Variants in SORCS2 observed in about 807,000 individuals in gnomAD.
SORCS2 encodes sortilin related VPS10 domain containing receptor 2.
In SORCS2, 100 loss-of-function variants were observed where a neutral mutation model predicts 141.6. The observed-to-expected ratio is 0.71, with a 90% CI of 0.60 to 0.83. SORCS2 has a LOEUF of 0.83. SORCS2 is among the 40% of genes least tolerant of loss of function. The pLI, the probability that SORCS2 is intolerant of heterozygous loss-of-function variation, is 0.00. For synonymous variants in SORCS2, 789 were observed against 676.9 expected (o/e 1.17, Z -2.57); for missense variants, 1,646 against 1,560.2 (o/e 1.05, Z -0.93).
At chr4:7,673,900 G>T (rs955513424) in intron 8 of SORCS2, among the ~76,000 whole-genome samples, 45 of 152,262 alleles carry the variant, frequency 3.0e-4, no homozygotes, top group Admixed American at 5.9e-4. Context: ...TGACTGCACG[G>T]TCTAATTCCC....
chr4:7,508,706 G>C (rs926177911), intron 2 of SORCS2, among the ~76,000 whole-genome samples: 1 of 152,116 alleles, frequency 6.6e-6, no homozygotes, highest in Non-Finnish European at 1.5e-5. Context: ...GCATGCGTTT[G>C]ATTATATAAC....
At chr4:7,303,516 T>C (rs1234538796) in intron 1 of SORCS2, among the ~76,000 whole-genome samples, 1 of 152,218 alleles carries the variant, frequency 6.6e-6, no homozygotes, top group Non-Finnish European at 1.5e-5. Context: ...CCAGGTCAAC[T>C]CTGGTTCTTT....
At chr4:7,616,337 C>A (rs1718755419) in intron 3 of SORCS2, among the ~76,000 whole-genome samples, 1 of 152,076 alleles carries the variant, frequency 6.6e-6, no homozygotes, top group Non-Finnish European at 1.5e-5. Flanking sequence ...TGTCCATTCA[C>A]CCATCCACCA....
chr4:7,474,390 A>C (rs962012017), intron 2 of SORCS2, among the ~76,000 whole-genome samples: 2 of 152,032 alleles, frequency 1.3e-5, no homozygotes, highest in Non-Finnish European at 2.9e-5. Flanking sequence ...CCCTCCCTTC[A>C]ATGTCAGGGA....
chr4:7,732,047 C>T (rs982140170), intron 23 of SORCS2, among the ~76,000 whole-genome samples: 3 of 152,124 alleles, frequency 2.0e-5, no homozygotes, highest in Admixed American at 1.3e-4. Context: ...ATGAAGCATA[C>T]CTCTGACAAG....
At chr4:7,296,453 C>G (rs367972315) in intron 1 of SORCS2, among the ~76,000 whole-genome samples, 1 of 152,180 alleles carries the variant, frequency 6.6e-6, no homozygotes, top group Non-Finnish European at 1.5e-5. Flanking sequence ...ACCCAAATCA[C>G]GGGCAGGGTG....
At chr4:7,501,033 C>T (rs1372823175) in intron 2 of SORCS2, among the ~76,000 whole-genome samples, 3 of 152,358 alleles carry the variant, frequency 2.0e-5, no homozygotes, top group South Asian at 2.1e-4. Flanking sequence ...TGTAGCATCT[C>T]GCACAGGTGA....
At chr4:7,433,386 C>T in intron 2 of SORCS2, 1 of 1,494,332 alleles carries the variant, frequency 6.7e-7, no homozygotes, top group South Asian at 1.4e-5. Flanking sequence ...CAGCGTTGCA[C>T]AGCTTGGCGG....
chr4:7,405,401 ATTTTGGTAGGAATTACATT>A (rs71173502), intron 2 of SORCS2, among the ~76,000 whole-genome samples: 23,110 of 151,958 alleles, frequency 0.15, 1,871 homozygotes, highest in Non-Finnish European at 0.18. Context: ...ATGAGTTGGT[ATTTTGGTAGGAATTACATT>A]GAACCTGTAG....
chr4:7,311,006 C>G (rs960078113), intron 1 of SORCS2, among the ~76,000 whole-genome samples: 2 of 152,206 alleles, frequency 1.3e-5, no homozygotes, highest in African/African-American at 4.8e-5. Context: ...GTTTATTTCT[C>G]TTGAAACTTT....
At chr4:7,364,921 A>C (rs1308693869) in intron 1 of SORCS2, among the ~76,000 whole-genome samples, 1 of 152,174 alleles carries the variant, frequency 6.6e-6, no homozygotes, top group African/African-American at 2.4e-5. Context: ...GGGGTTCAGG[A>C]CCTGGCTCTG....
chr4:7,433,575 C>T (rs1448786412), intron 2 of SORCS2: 4 of 1,611,634 alleles, frequency 2.5e-6, no homozygotes, highest in Non-Finnish European at 2.5e-6. Context: ...TGCACTGGAT[C>T]ATATAGGGCA....
At chr4:7,258,182 G>T (rs1006811753) in intron 1 of SORCS2, among the ~76,000 whole-genome samples, 1 of 152,052 alleles carries the variant, frequency 6.6e-6, no homozygotes, top group Non-Finnish European at 1.5e-5. Flanking sequence ...AAGTTCTGGG[G>T]CATATGTGCA....
chr4:7,729,501 G>T, intron 22 of SORCS2, 86 bp from the exon 23 acceptor site: 2 of 1,492,414 alleles, frequency 1.3e-6, no homozygotes, highest in South Asian at 1.3e-5. Flanking sequence ...AGGCCAAGAA[G>T]GGAGAGAGGG....
chr4:7,429,677 G>A (rs886923425), intron 2 of SORCS2, among the ~76,000 whole-genome samples: 2 of 152,192 alleles, frequency 1.3e-5, no homozygotes, highest in Non-Finnish European at 2.9e-5. Context: ...GGGGAGGTGG[G>A]GTCACCCAGG....
intron 2 of SORCS2, among the ~76,000 whole-genome samples, chr4:7,406,368 C>T (rs1355741605): frequency 7.0e-5 from 10 of 143,598 alleles, no homozygotes; most frequent in East Asian, 2.0e-4. Flanking sequence ...GGATCCTAGG[C>T]TTTTTTTTTT....
At chr4:7,528,123 C>CCA (rs879774843) in intron 2 of SORCS2, among the ~76,000 whole-genome samples, 3 of 147,820 alleles carry the variant, frequency 2.0e-5, no homozygotes, top group African/African-American at 7.4e-5. Flanking sequence ...CCACGCTGCC[C>CCA]ATGGATTCCA....
rs565465994 is a variant in SORCS2 at position 7,489,379 on chromosome 4, C to T, written c.549-42151C>T. Among the ~76,000 whole-genome samples, 62 of 152,290 alleles carry T rather than the reference C, an allele frequency of 4.1e-4. No individual in the cohort carries two copies. The South Asian group carries it at 0.012, about 31-fold the overall frequency. On this transcript the variant is annotated intron_variant, in intron 2 of 26. Coordinates refer to ENST00000507866, the MANE Select transcript of SORCS2 (RefSeq NM_020777.3). Reference sequence around the variant, plus strand: ...TGCCTTCTTGAATTGATTTGCCGCTCCCTGTGTTGCTTTTCGAGTTCCTTG... The same window carrying T: ...TGCCTTCTTGAATTGATTTGCCGCTTCCTGTGTTGCTTTTCGAGTTCCTTG...
intron 22 of SORCS2, 62 bp from the exon 23 acceptor site, chr4:7,729,525 C>A: frequency 6.5e-7 from 1 of 1,532,620 alleles, no homozygotes; most frequent in Non-Finnish European, 8.8e-7. Flanking sequence ...TCCTGGGGGC[C>A]CCAGTATGAG....
Sources: allele counts gnomAD v4.1 joint callset (sites outside exome capture counted in the v4.1 genomes callset), GRCh38; gene constraint gnomAD v4.1.1; transcripts MANE v1.5; gene names NCBI Gene and HGNC (gene_info 2026-07-23, HGNC 2026-07-21).